The following MAP4K1 variants were observed in gnomAD, a reference collection of about 807,000 sequenced individuals.
MAP4K1 encodes the protein mitogen-activated protein kinase kinase kinase kinase 1, also known as MAPK/ERK kinase kinase kinase 1.
Under a neutral mutation model 122.8 loss-of-function variants are expected in MAP4K1, and 35 were observed. That is an observed-to-expected ratio of 0.29 (90% CI 0.22 to 0.38). MAP4K1 has a LOEUF of 0.38. Among genes scored for constraint, MAP4K1 ranks in the 10% least tolerant of loss-of-function variants. MAP4K1 has a pLI of 1.00. For synonymous variants in MAP4K1, 412 were observed against 421.3 expected, an observed-to-expected ratio of 0.98 and a Z score of 0.27; for missense variants, 791 against 1,072.6, an observed-to-expected ratio of 0.74 and a Z score of 3.67.
chr19:38,612,617 G>A lies in MAP4K1; in HGVS notation c.659C>T (p.Pro220Leu). 1 of 1,612,794 alleles carries A rather than the reference G, an allele frequency of 6.2e-7. No individual in the cohort carries two copies. The highest frequency in any genetic ancestry group is 8.5e-7 in the Non-Finnish European group (1 of 1,179,796). Residue 220 changes from proline to leucine, a missense_variant, in exon 9 of 31, where the codon CCT becomes CTT. Physicochemically the swap from Pro to Leu is moderately conservative, Grantham distance 98. This residue lies in a region of MAP4K1 where 163 missense variants were observed against 286.1 expected (regional missense o/e 0.57). Coordinates refer to ENST00000396857, the MANE Select transcript of MAP4K1 (RefSeq NM_001042600.3). ...GGACCCCACGCCTGCCTACCTGAGA[G>A]GGTGCACATCAAAGAGCGGTGGCTG... Reference protein sequence around the residue: ...ELQPPLFDVHPLRVLFLMTKS... With the variant: ...ELQPPLFDVHLLRVLFLMTKS...
Position 38,596,443 on chromosome 19 carries a change from A to G in MAP4K1, c.1985T>C (p.Leu662Pro). 6.3e-7 allele frequency: 1 copy of G among 1,589,190 alleles called. No individual in the cohort carries two copies. The highest frequency in any genetic ancestry group is 8.5e-7 in the Non-Finnish European group (1 of 1,172,480). The change falls in exon 26 of 31, where the codon CTG (leucine) becomes CCG (proline). Residue 662 changes from leucine to proline, a missense_variant. Physicochemically the swap from Leu to Pro is moderately conservative, Grantham distance 98 (BLOSUM62 -3). Transcript: ENST00000396857. ...CAGCTCAGAGCCTGGCCCGGTCAGC[A>G]GCGCGAACACGGACAGAGGCGTCGG... ...PLPTPLSVFA[L>P]LTGPGSELPA... is the part of the protein sequence containing the mutation.
chr19:38,596,481 C>A lies in MAP4K1; in HGVS notation c.1947G>T (p.Val649=). The change falls in exon 26 of 31, where the codon GTG becomes GTT. Residue 649 remains valine, a synonymous_variant. Coordinates refer to ENST00000396857, the MANE Select transcript of MAP4K1 (RefSeq NM_001042600.3). ...ACAGAGGCGTCGGCAGTGGGAACAG[C>A]ACCTGCTGCGGGCCGCACAGGGAGG... ...PMNKFLLVRQ[V]LFPLPTPLSV... is the part of the protein sequence containing the mutation. The A allele has an allele frequency of 1.3e-6, 2 of 1,558,282 alleles. No homozygotes were observed. The highest frequency in any genetic ancestry group is 1.2e-5 in the South Asian group (1 of 86,138).
intron 22 of MAP4K1, among the ~76,000 whole-genome samples, chr19:38,598,830 G>A (rs1167611123): frequency 6.6e-6 from 1 of 151,530 alleles, no homozygotes; most frequent in Non-Finnish European, 1.5e-5. Flanking sequence ...TGGCCAACAT[G>A]GCGAAACCCC....
In MAP4K1 at chr19:38,602,560, A is replaced by C. The variant is rs201901348; in HGVS notation, c.1447-1035T>G. ...TACACATATACATATATATACACAC[A>C]TATACATATATACATATATATACAC... On this transcript the variant is annotated intron_variant, in intron 19 of 30. Coordinates refer to ENST00000396857, the MANE Select transcript of MAP4K1 (RefSeq NM_001042600.3). 1.4e-3 allele frequency among the ~76,000 whole-genome samples: 184 copies of C among 128,690 alleles called. 1 individual carries two copies. Among genetic ancestry groups the C allele is most frequent in the African/African-American group, 4.7e-3 (169 of 35,896 alleles). The allele number at this position is 128,690 out of a possible 152,430, so 84.4% of individuals were successfully genotyped here. A position where few individuals can be genotyped will look rare whatever the true frequency, so the allele number is the denominator to read the frequency against.
intron 30 of MAP4K1, among the ~76,000 whole-genome samples, chr19:38,590,391 A>T (rs1269551976): frequency 5.3e-5 from 2 of 37,948 alleles, no homozygotes; most frequent in Non-Finnish European, 4.6e-5. Flanking sequence ...AAAAAAAAAA[A>T]AAAATATATA....
intron 4 of MAP4K1, 58 bp downstream of exon 4, chr19:38,616,137 C>T (rs1348067078): frequency 1.2e-5 from 13 of 1,124,594 alleles, no homozygotes; most frequent in East Asian, 1.1e-4. Flanking sequence ...GAATTTGGGT[C>T]GGGGTTGGGG....
intron 30 of MAP4K1, 86 bp downstream of exon 30, chr19:38,593,196 G>A (rs1180506114): frequency 7.6e-7 from 1 of 1,321,132 alleles, no homozygotes; most frequent in Non-Finnish European, 1.1e-6. Flanking sequence ...CCAGGCTAGA[G>A]ATACCTTGCT....
chr19:38,595,705 T>G lies in MAP4K1; in HGVS notation c.2204A>C (p.Glu735Ala). The change falls in exon 28 of 31, where the codon GAG becomes GCG. Residue 735 changes from glutamate to alanine, a missense_variant. By Grantham distance (107) the Glu-to-Ala change is moderately radical. Transcript: ENST00000396857. ...GCGAAGTCCCCGGACTGGGGACCCC[T>G]CCGGGGTCACCAGCTTCACAGAGCC... ...MDGSVKLVTP[E>A]GSPVRGLRTP... is the part of the protein sequence containing the mutation. 1 of 1,606,430 alleles carries G rather than the reference T, an allele frequency of 6.2e-7. No individual in the cohort carries two copies. The highest frequency in any genetic ancestry group is 8.5e-7 in the Non-Finnish European group (1 of 1,176,994).
At chr19:38,603,396 A>G (rs1032967367) in intron 19 of MAP4K1, among the ~76,000 whole-genome samples, 10 of 149,570 alleles carry the variant, frequency 6.7e-5, no homozygotes, top group South Asian at 2.2e-4. Context: ...GTACATATAT[A>G]TGCATATACA....
chr19:38,617,370 G>A lies in MAP4K1; in HGVS notation c.232C>T (p.His78Tyr), dbSNP rs550519471. 2.5e-6 allele frequency: 4 copies of A among 1,613,510 alleles called. No individual in the cohort carries two copies. In the East Asian group the frequency reaches 8.9e-5, roughly 36 times the overall value. Residue 78 changes from histidine to tyrosine, a missense_variant, in exon 3 of 31, where the codon CAT (histidine) becomes TAT (tyrosine). By Grantham distance (83) the His-to-Tyr change is moderately conservative (BLOSUM62 2). Transcript: ENST00000396857. The surrounding 1 kb of genome is among the most constrained non-coding windows in gnomAD (Gnocchi z 4.1). ...TCRHANIVAY[H>Y]GSYLWLQKLW... ...GTTCATCACCAGAGATAACTCCCATGGTAGGCCACGATGTTGGCGTGCCGG... is the reference window on the plus strand; with the variant it reads ...GTTCATCACCAGAGATAACTCCCATAGTAGGCCACGATGTTGGCGTGCCGG...
chr19:38,605,351 C>CCCCCCGCCA, intron 19 of MAP4K1, 58 bp downstream of exon 19: 7 of 1,321,644 alleles, frequency 5.3e-6, no homozygotes, highest in Non-Finnish European at 7.4e-6. Context: ...CTCCCCACCC[C>CCCCCCGCCA]ACCAGGCATC....
At chr19:38,616,097 G>A (rs1039399145) in intron 4 of MAP4K1, 98 bp downstream of exon 4, 3 of 830,512 alleles carry the variant, frequency 3.6e-6, no homozygotes, top group Non-Finnish European at 3.8e-6. Flanking sequence ...GACAGTTCCT[G>A]TGAGATACAC....
At chr19:38,600,188 C>T (rs374445864) in intron 20 of MAP4K1, 35 bp from the exon 21 acceptor site, 75 of 1,591,602 alleles carry the variant, frequency 4.7e-5, no homozygotes, top group Non-Finnish European at 5.9e-5. Context: ...GGACCGACTT[C>T]ATCCTCAGGG....
In MAP4K1 at chr19:38,617,462, G is replaced by A; in HGVS notation, c.158-18C>T. The A allele has an allele frequency of 6.2e-7, 1 of 1,604,400 alleles. No individual in the cohort carries two copies. The highest frequency in any genetic ancestry group is 8.5e-7 in the Non-Finnish European group (1 of 1,171,280). The stretch of plus-strand genomic sequence containing the variant: ...ATCATCATCTGTGAGGAGGGCGGGA[G>A]AGAAAAGGCAGCTCGCATGGGGAGA... On this transcript the variant is annotated intron_variant, in intron 2 of 30. Transcript: ENST00000396857. The surrounding 1 kb of genome is among the most constrained non-coding windows in gnomAD (Gnocchi z 4.1).
rs567360627 is a variant in MAP4K1 at position 38,594,589 on chromosome 19, C to T, written c.2340+896G>A. Among the ~76,000 whole-genome samples the T allele has an allele frequency of 4.7e-5, 7 of 149,980 alleles. No homozygotes were observed. The East Asian group carries it at 8.0e-4, about 17-fold the overall frequency. On this transcript the variant is annotated intron_variant, in intron 29 of 30. Transcript: ENST00000396857. ...CAGGAGGCAGAGGTTGCAGTGAGCT[C>T]GGATCATGCCACTGCACTCTGCCCT...
chr19:38,597,618 G>A lies in MAP4K1; in HGVS notation c.1670-24C>T, dbSNP rs1449493807. ...TCCTGCAGGGTGTGTGTATGTAGGG[G>A]GAAGCAGGAAGTTATAGGATCCCAT... On this transcript the variant is annotated intron_variant, in intron 22 of 30. Transcript: ENST00000396857. This position sits in a 1 kb window ranked among gnomAD's most constrained non-coding sequence, Gnocchi z 4.6. 5.3e-6 allele frequency: 8 copies of A among 1,509,358 alleles called. No homozygotes were observed. The South Asian group carries it at 5.9e-5, about 11-fold the overall frequency. 93.5% of individuals were successfully genotyped at this position (1,509,358 alleles called of 1,614,324 possible). A position where few individuals can be genotyped will look rare whatever the true frequency, so the allele number is the denominator to read the frequency against.
At chr19:38,605,203 T>A (rs1418518403) in intron 19 of MAP4K1, among the ~76,000 whole-genome samples, 1 of 151,982 alleles carries the variant, frequency 6.6e-6, no homozygotes, top group Non-Finnish European at 1.5e-5. Flanking sequence ...TCCCCATTTG[T>A]GAAATGGGGG....
rs756890207 is a variant in MAP4K1, at chr19:38,617,063, T to A, written c.248+291A>T. Among the ~76,000 whole-genome samples the A allele has an allele frequency of 5.3e-5, 8 of 151,908 alleles. No individual in the cohort carries two copies. The highest frequency in any genetic ancestry group is 1.2e-4 in the Non-Finnish European group (8 of 67,966). ...GAGTTCAAGACCAGCCTGGCCAAGA[T>A]GGTGAAACCCCATCTCTACTAAAAA... On this transcript the variant is annotated intron_variant, in intron 3 of 30. Coordinates refer to ENST00000396857, the MANE Select transcript of MAP4K1 (RefSeq NM_001042600.3). This position sits in a 1 kb window ranked among gnomAD's most constrained non-coding sequence, Gnocchi z 4.1.
At chr19:38,616,930 G>A (rs574096573) in intron 3 of MAP4K1, among the ~76,000 whole-genome samples, 2 of 152,176 alleles carry the variant, frequency 1.3e-5, no homozygotes, top group South Asian at 4.1e-4. Context: ...GTTATGGTGA[G>A]AAATGGAAGT....
Sources: gnomAD v4.1 joint callset for allele counts (sites outside exome capture counted in the v4.1 genomes callset) on GRCh38, gnomAD v4.1.1 for gene constraint, gnomAD v4.1.1 regional missense constraint, Gnocchi (gnomAD v3.1) non-coding constraint, MANE v1.5 for transcripts, NCBI Gene and HGNC (gene_info 2026-07-23, HGNC 2026-07-21) for gene names.